The following SLC16A13 variants were observed in gnomAD, a reference collection of about 807,000 sequenced individuals.
The protein encoded by SLC16A13 is monocarboxylate transporter 13.
Under a neutral mutation model 28.1 loss-of-function variants are expected in SLC16A13, and 28 were observed. The ratio of observed to expected loss-of-function variants is 1.00; its 90% confidence interval spans 0.74 to 1.37. The LOEUF (loss-of-function observed/expected upper bound fraction) is 1.37. Among genes scored for constraint, SLC16A13 ranks in the 40% most tolerant of loss-of-function variants. The pLI is 0.00. For synonymous variants in SLC16A13, 228 were observed against 241.6 expected, an observed-to-expected ratio of 0.94 and a Z score of 0.52; for missense variants, 482 against 531.8, an observed-to-expected ratio of 0.91 and a Z score of 0.92.
chr17:7,036,141 C>G lies in SLC16A13; in HGVS notation c.-242C>G, dbSNP rs564250168. On this transcript the variant is annotated 5_prime_UTR_variant, in exon 1 of 4. Transcript: ENST00000308027. Reference sequence around the variant, plus strand: ...CTAGCTCAGCTCCGAGCTCGCGGAACCACGCCCCCGGGAGACTCTGGCCCG... The same window carrying G: ...CTAGCTCAGCTCCGAGCTCGCGGAAGCACGCCCCCGGGAGACTCTGGCCCG... 2.0e-4 allele frequency: 92 copies of G among 466,636 alleles called. No homozygotes were observed. The highest frequency in any genetic ancestry group is 1.6e-3 in the African/African-American group (80 of 51,288). 28.9% of individuals were successfully genotyped at this position (466,636 alleles called of 1,614,324 possible).
At position 7,036,505 on chromosome 17, in the gene SLC16A13, T is replaced by C; in HGVS notation, c.123T>C (p.Phe41=). 1 of 1,612,502 alleles carries C rather than the reference T, an allele frequency of 6.2e-7. No homozygotes were observed. Among genetic ancestry groups the C allele is most frequent in the East Asian group, 2.2e-5 (1 of 44,878 alleles). ...LRSFGVFFVE[F]VAAFEEQAAR... ...CCTTTGGGGTCTTCTTCGTGGAGTT[T>C]GTGGCGGCGTTTGAGGAGCAGGCAG... Residue 41 remains phenylalanine (F), a synonymous_variant, in exon 1 of 4, where the codon TTT becomes TTC. Transcript: ENST00000308027.
Position 7,040,052 on chromosome 17 carries a change from T to A in SLC16A13, c.*90T>A. On this transcript the variant is annotated 3_prime_UTR_variant, in exon 4 of 4. Transcript: ENST00000308027. ...TGGTCTCCACAGAACCACAGTGCCT[T>A]AAGATTCTTGATCTGCCTCCCCCTA... The A allele has an allele frequency of 8.2e-7, 1 of 1,216,468 alleles. No individual in the cohort carries two copies. Among genetic ancestry groups the A allele is most frequent in the Non-Finnish European group, 1.2e-6 (1 of 855,106 alleles). 75.4% of individuals were successfully genotyped at this position (1,216,468 alleles called of 1,614,324 possible).
rs1017305710 is a variant in SLC16A13 at position 7,039,935 on chromosome 17, A to T, written c.1254A>T (p.Leu418=). 2 of 1,613,802 alleles carry T rather than the reference A, an allele frequency of 1.2e-6. No homozygotes were observed. The highest frequency in any genetic ancestry group is 1.3e-5 in the African/African-American group (1 of 74,958). ...AAGCACTAGATACTAAAGTTCCCCT[A>T]CCCAAGGAGGGGCTGGAAGAGGACT... is the stretch of plus-strand genomic sequence containing the variant. ...VTEALDTKVP[L]PKEGLEED is the part of the protein sequence containing the mutation. Residue 418 remains leucine, a synonymous_variant, in exon 4 of 4, where the codon CTA becomes CTT. Coordinates refer to ENST00000308027, the MANE Select transcript of SLC16A13 (RefSeq NM_201566.3). This position sits in a 1 kb window ranked among gnomAD's most constrained non-coding sequence, Gnocchi z 4.3.
chr17:7,036,921 T>A (rs1567732097), intron 2 of SLC16A13, 51 bp downstream of exon 2: 1 of 1,593,136 alleles, frequency 6.3e-7, no homozygotes, highest in Admixed American at 1.7e-5. Flanking sequence ...TCGTTGGATG[T>A]TCACCTCCTT....
chr17:7,038,468 T>C lies in SLC16A13; in HGVS notation c.660T>C (p.Thr220=). The change falls in exon 3 of 4, where the codon ACT becomes ACC. Residue 220 remains threonine (T), a synonymous_variant. Transcript: ENST00000308027. This position sits in a 1 kb window ranked among gnomAD's most constrained non-coding sequence, Gnocchi z 5.7. ...ATCATGGCCCCTTCCTCCGTTACAC[T>C]GTTGCCCTCACCCTGATCAACACTG... ...LLHHGPFLRY[T]VALTLINTGY... is the part of the protein sequence containing the mutation. 1 of 1,614,168 alleles carries C rather than the reference T, an allele frequency of 6.2e-7. No individual in the cohort carries two copies. Among genetic ancestry groups the C allele is most frequent in the Non-Finnish European group, 8.5e-7 (1 of 1,180,020 alleles).
rs1354886473 is a variant in SLC16A13, at chr17:7,040,044, C to T, written c.*82C>T. ...CCACGTCTTGGTCTCCACAGAACCA[C>T]AGTGCCTTAAGATTCTTGATCTGCC... On this transcript the variant is annotated 3_prime_UTR_variant, in exon 4 of 4. Coordinates refer to ENST00000308027, the MANE Select transcript of SLC16A13 (RefSeq NM_201566.3). 3 of 1,302,838 alleles carry T rather than the reference C, an allele frequency of 2.3e-6. No individual in the cohort carries two copies. The Admixed American group carries it at 5.6e-5, about 24-fold the overall frequency. 80.7% of individuals were successfully genotyped at this position (1,302,838 alleles called of 1,614,324 possible).
Position 7,038,660 on chromosome 17 carries a change from G to T in SLC16A13, c.852G>T (p.Leu284=), listed in dbSNP as rs1236364090. The change falls in exon 3 of 4, where the codon CTG becomes CTT. Residue 284 remains leucine (L), a synonymous_variant. Coordinates refer to ENST00000308027, the MANE Select transcript of SLC16A13 (RefSeq NM_201566.3). This position sits in a 1 kb window ranked among gnomAD's most constrained non-coding sequence, Gnocchi z 5.7. ...DAVPGPVTRL[L]MLWTTLTGVS... is the part of the protein sequence containing the mutation. The stretch of plus-strand genomic sequence containing the variant: ...TCCCAGGGCCTGTGACACGACTCCT[G>T]ATGCTCTGGACCACCTTGACTGGGG... 4 of 1,614,080 alleles carry T rather than the reference G, an allele frequency of 2.5e-6. No individual in the cohort carries two copies. The Admixed American group carries it at 6.7e-5, about 27-fold the overall frequency.
At position 7,038,685 on chromosome 17, in the gene SLC16A13, G is replaced by C. The variant is rs756138166; in HGVS notation, c.877G>C (p.Val293Leu). 3 of 1,614,186 alleles carry C rather than the reference G, an allele frequency of 1.9e-6. No individual in the cohort carries two copies. Among genetic ancestry groups the C allele is most frequent in the Non-Finnish European group, 2.5e-6 (3 of 1,180,032 alleles). Residue 293 changes from valine (V) to leucine (L), a missense_variant, in exon 3 of 4, where the codon GTG becomes CTG. Val to Leu is a conservative substitution (Grantham distance 32). Transcript: ENST00000308027. This position sits in a 1 kb window ranked among gnomAD's most constrained non-coding sequence, Gnocchi z 5.7. ...LLMLWTTLTG[V>L]SLALFPVAQA... The stretch of plus-strand genomic sequence containing the variant: ...GATGCTCTGGACCACCTTGACTGGG[G>C]TGTCACTAGCCCTGTTCCCTGTAGC...
chr17:7,036,413 G>T lies in SLC16A13; in HGVS notation c.31G>T (p.Gly11Cys). The T allele has an allele frequency of 6.2e-7, 1 of 1,611,930 alleles. No homozygotes were observed. The highest frequency in any genetic ancestry group is 8.5e-7 in the Non-Finnish European group (1 of 1,179,888). MARRTEPPDG[G>C]WGWVVVLSAF... ...GCGCAGGACAGAGCCCCCCGACGGG[G>T]GCTGGGGATGGGTGGTGGTGCTCTC... The change falls in exon 1 of 4, where the codon GGC becomes TGC. Residue 11 changes from glycine to cysteine, a missense_variant. By Grantham distance (159) the Gly-to-Cys change is radical. Transcript: ENST00000308027.
chr17:7,036,224 G>A lies in SLC16A13; in HGVS notation c.-159G>A, dbSNP rs1910574870. 1.0e-5 allele frequency: 7 copies of A among 679,460 alleles called. No individual in the cohort carries two copies. The South Asian group carries it at 1.2e-4, about 11-fold the overall frequency. 42.1% of individuals were successfully genotyped at this position (679,460 alleles called of 1,614,324 possible). ...GCCCCGCCTTGGGAAAAGGTGCAGG[G>A]GCCTCTCGCCGCCTCGTCGGGCCCT... On this transcript the variant is annotated 5_prime_UTR_variant, in exon 1 of 4. Coordinates refer to ENST00000308027, the MANE Select transcript of SLC16A13 (RefSeq NM_201566.3).
At position 7,038,215 on chromosome 17, in the gene SLC16A13, G is replaced by A. The variant is rs753516301; in HGVS notation, c.407G>A (p.Arg136Gln). The A allele has an allele frequency of 2.8e-5, 45 of 1,613,940 alleles. No individual in the cohort carries two copies. Among genetic ancestry groups the A allele is most frequent in the Non-Finnish European group, 3.7e-5 (44 of 1,180,030 alleles). The part of the protein sequence containing the change: ...LACLSCYFSR[R>Q]RSLATGLALT... ...TGCCTGTCCTGTTATTTCTCTCGCC[G>A]ACGATCCCTGGCCACCGGGCTGGCA... is the stretch of plus-strand genomic sequence containing the variant. The change falls in exon 3 of 4, where the codon CGA becomes CAA. Residue 136 changes from arginine to glutamine, a missense_variant. Physicochemically the swap from Arg to Gln is conservative, Grantham distance 43. Transcript: ENST00000308027. The surrounding 1 kb of genome is among the most constrained non-coding windows in gnomAD (Gnocchi z 5.7).
At position 7,039,803 on chromosome 17, in the gene SLC16A13, T is replaced by G. The variant is rs1467800049; in HGVS notation, c.1122T>G (p.Phe374Leu). 1.2e-6 allele frequency: 2 copies of G among 1,614,080 alleles called. No individual in the cohort carries two copies. Among genetic ancestry groups the G allele is most frequent in the Non-Finnish European group, 1.7e-6 (2 of 1,180,040 alleles). Residue 374 changes from phenylalanine (F) to leucine (L), a missense_variant, in exon 4 of 4, where the codon TTT (phenylalanine) becomes TTG (leucine). Physicochemically the swap from Phe to Leu is conservative, Grantham distance 22. Coordinates refer to ENST00000308027, the MANE Select transcript of SLC16A13 (RefSeq NM_201566.3). The surrounding 1 kb of genome is among the most constrained non-coding windows in gnomAD (Gnocchi z 4.3). ...TGACAGGCAACTACACGGCTTCTTT[T>G]GTGGTGGCTGGGGCCTTCCTTCTTT... ...RDVTGNYTAS[F>L]VVAGAFLLSG...
At position 7,036,488 on chromosome 17, in the gene SLC16A13, GTCT is replaced by G. The variant is rs754888946; in HGVS notation, c.112_114del (p.Phe38del). On this transcript the variant is annotated inframe_deletion, in exon 1 of 4. Coordinates refer to ENST00000308027, the MANE Select transcript of SLC16A13 (RefSeq NM_201566.3). ...GTTTGGGGTGCTCCGCTCCTTTGGGGTCTTCTTCGTGGAGTTTGTGGCGGCGTT... is the reference window on the plus strand; with the variant it reads ...GTTTGGGGTGCTCCGCTCCTTTGGGGTCTTCGTGGAGTTTGTGGCGGCGTT... The G allele has an allele frequency of 8.7e-6, 14 of 1,612,358 alleles. No homozygotes were observed. The highest frequency in any genetic ancestry group is 2.2e-5 in the East Asian group (1 of 44,890).
intron 2 of SLC16A13, 172 bp downstream of exon 2, chr17:7,037,042 A>G (rs1170186583): frequency 3.5e-6 from 3 of 850,050 alleles, no homozygotes; most frequent in Non-Finnish European, 5.3e-6. Flanking sequence ...ATGGTGAGGA[A>G]TTAGGAAATT....
chr17:7,039,467 A>AAC lies in SLC16A13; in HGVS notation c.1082-295_1082-294insCA, dbSNP rs1555571884. Among the ~76,000 whole-genome samples the AAC allele has an allele frequency of 1.3e-5, 2 of 152,002 alleles. No individual in the cohort carries two copies. The highest frequency in any genetic ancestry group is 4.8e-5 in the African/African-American group (2 of 41,334). On this transcript the variant is annotated intron_variant, in intron 3 of 3. Transcript: ENST00000308027. This position sits in a 1 kb window ranked among gnomAD's most constrained non-coding sequence, Gnocchi z 4.3. ...AGAGCGAGACTCCGTCTCAAAAAAA[A>AAC]AAAAAAAAGAAAGGCCACAGTTGCC...
rs964513474 is a variant in SLC16A13 at position 7,040,074 on chromosome 17, C to G, written c.*112C>G. 4.1e-6 allele frequency: 4 copies of G among 966,212 alleles called. No individual in the cohort carries two copies. The highest frequency in any genetic ancestry group is 2.4e-5 in the East Asian group (1 of 41,078). The allele number at this position is 966,212 out of a possible 1,614,324, so 59.9% of individuals were successfully genotyped here. ...CCTTAAGATTCTTGATCTGCCTCCC[C>G]CTAGAGCAGGCCTGGGGCTCCTGCA... is the stretch of plus-strand genomic sequence containing the variant. On this transcript the variant is annotated 3_prime_UTR_variant, in exon 4 of 4. Coordinates refer to ENST00000308027, the MANE Select transcript of SLC16A13 (RefSeq NM_201566.3).
At position 7,038,769 on chromosome 17, in the gene SLC16A13, C is replaced by G. The variant is rs1393587215; in HGVS notation, c.961C>G (p.Leu321Val). The change falls in exon 3 of 4, where the codon CTG (leucine) becomes GTG (valine). Residue 321 changes from leucine (L) to valine (V), a missense_variant. Coordinates refer to ENST00000308027, the MANE Select transcript of SLC16A13 (RefSeq NM_201566.3). The surrounding 1 kb of genome is among the most constrained non-coding windows in gnomAD (Gnocchi z 5.7). The stretch of plus-strand genomic sequence containing the variant: ...GGCCTACGGCTTCACATCAGGGGCT[C>G]TGGCCCCACTGGCCTTCTCCGTGCT... ...AVAYGFTSGA[L>V]APLAFSVLPE... 6.2e-7 allele frequency: 1 copy of G among 1,613,944 alleles called. No individual in the cohort carries two copies.
chr17:7,036,185 T>A lies in SLC16A13; in HGVS notation c.-198T>A. On this transcript the variant is annotated 5_prime_UTR_variant, in exon 1 of 4. Coordinates refer to ENST00000308027, the MANE Select transcript of SLC16A13 (RefSeq NM_201566.3). The stretch of plus-strand genomic sequence containing the variant: ...TGGCCCGGCCAGCGCGGGCCAGGTC[T>A]TCAGTCCTATATCGCCCCGCCTTGG... The A allele has an allele frequency of 3.5e-6, 2 of 567,886 alleles. No homozygotes were observed. The highest frequency in any genetic ancestry group is 2.4e-5 in the South Asian group (1 of 40,920). 35.2% of individuals were successfully genotyped at this position (567,886 alleles called of 1,614,324 possible). A position where few individuals can be genotyped will look rare whatever the true frequency, so the allele number is the denominator to read the frequency against.
Position 7,038,361 on chromosome 17 carries a change from T to C in SLC16A13, c.553T>C (p.Cys185Arg). The change falls in exon 3 of 4, where the codon TGT becomes CGT. Residue 185 changes from cysteine to arginine, a missense_variant. Transcript: ENST00000308027. The surrounding 1 kb of genome is among the most constrained non-coding windows in gnomAD (Gnocchi z 5.7). ...TGCCCTCTCCCTCCACCTAGTGGCC[T>C]GTGGTGCTCTCCTCCGCCCACCCTC... The part of the protein sequence containing the change: ...VSALSLHLVA[C>R]GALLRPPSLA... The C allele has an allele frequency of 6.2e-7, 1 of 1,614,102 alleles. No individual in the cohort carries two copies.
Sources: allele counts gnomAD v4.1 joint callset (sites outside exome capture counted in the v4.1 genomes callset), GRCh38; gene constraint gnomAD v4.1.1; non-coding constraint Gnocchi (gnomAD v3.1); transcripts MANE v1.5; gene names NCBI Gene and HGNC (gene_info 2026-07-23, HGNC 2026-07-21).